CEACAM19: variants seen among roughly 807,000 people sequenced by gnomAD.
CEACAM19 encodes CEA cell adhesion molecule 19.
Under a neutral mutation model 37.6 loss-of-function variants are expected in CEACAM19, and 37 were observed. That is an observed-to-expected ratio of 0.98 (90% CI 0.76 to 1.29). The LOEUF (loss-of-function observed/expected upper bound fraction) is 1.29, where lower values mean the gene tolerates loss of function less well. Ranked by LOEUF, CEACAM19 falls within the 50% of genes most tolerant of loss-of-function variation. The pLI, the probability that CEACAM19 is intolerant of heterozygous loss-of-function variation, is 0.00. For synonymous variants in CEACAM19, 140 were observed against 149.8 expected (o/e 0.93, Z 0.48); for missense variants, 340 against 375.6 (o/e 0.91, Z 0.78).
chr19:44,667,347 T>A (rs1372860004), upstream of CEACAM19: 1 of 150,794 alleles, frequency 6.6e-6, no homozygotes, highest in East Asian at 1.9e-4. Context: ...CCAATAGAAG[T>A]TTCTGAGATG....
chr19:44,672,057 T>G lies in CEACAM19; in HGVS notation c.55+71T>G, dbSNP rs186183001. 59 of 1,286,286 alleles carry G rather than the reference T, an allele frequency of 4.6e-5. No homozygotes were observed. In the East Asian group the frequency reaches 1.4e-3, roughly 30 times the overall value. 79.7% of individuals were successfully genotyped at this position (1,286,286 alleles called of 1,614,324 possible). On this transcript the variant is annotated intron_variant, in intron 1 of 7. Coordinates refer to ENST00000358777, the MANE Select transcript of CEACAM19 (RefSeq NM_001127893.3). Reference sequence around the variant, plus strand: ...TCAGCCCAGAGATTGAAGTTTCCTCTTAGAAGTAGGGAAAGATTACCTGAG... The same window carrying G: ...TCAGCCCAGAGATTGAAGTTTCCTCGTAGAAGTAGGGAAAGATTACCTGAG...
chr19:44,672,920 AC>A lies in CEACAM19; in HGVS notation c.381del (p.Ser128LeufsTer5). On this transcript the variant is annotated frameshift_variant, in exon 2 of 8. Transcript: ENST00000358777. LOFTEE classifies it high-confidence loss of function. Reference sequence around the variant, plus strand: ...ACCTACCAAGTAGCCATTACCATCAACTCTGAATGGACTATGAAGGCCAAGA... The same window carrying A: ...ACCTACCAAGTAGCCATTACCATCAATCTGAATGGACTATGAAGGCCAAGA... The part of the protein sequence containing the change: ...SGTYQVAITI[N>X]SEWTMKAKTE... 1.3e-6 allele frequency: 2 copies of A among 1,534,336 alleles called. No individual in the cohort carries two copies. The highest frequency in any genetic ancestry group is 1.8e-6 in the Non-Finnish European group (2 of 1,136,390).
In CEACAM19 at chr19:44,676,343, C is replaced by G. The variant is rs1216953916; in HGVS notation, c.497C>G (p.Ser166Cys). ...AGILAATIIG[S>C]LAAGALLISC... ...ATCCTGGCGGCCACCATCATTGGAT[C>G]TCTTGCTGCCGGGGCCCTTCTCATC... Residue 166 changes from serine to cysteine, a missense_variant, in exon 3 of 8, where the codon TCT becomes TGT. Physicochemically the swap from Ser to Cys is moderately radical, Grantham distance 112. Coordinates refer to ENST00000358777, the MANE Select transcript of CEACAM19 (RefSeq NM_001127893.3). 2.5e-6 allele frequency: 4 copies of G among 1,614,156 alleles called. No individual in the cohort carries two copies. The highest frequency in any genetic ancestry group is 3.4e-6 in the Non-Finnish European group (4 of 1,180,030).
upstream of CEACAM19, among the ~76,000 whole-genome samples, chr19:44,668,022 A>ATATT (rs1973767691): frequency 1.2e-5 from 1 of 85,940 alleles, no homozygotes; most frequent in Non-Finnish European, 2.0e-5. Flanking sequence ...TTATTTATAT[A>ATATT]GTATATATTA....
chr19:44,672,456 C>A, intron 1 of CEACAM19, 140 bp from the exon 2 acceptor site: 1 of 940,828 alleles, frequency 1.1e-6, no homozygotes, highest in Non-Finnish European at 1.5e-6. Flanking sequence ...GGGCAGACAT[C>A]ACTAATCAAT....
chr19:44,671,556 G>A lies in CEACAM19; in HGVS notation c.-376G>A. 1 of 407,346 alleles carries A rather than the reference G, an allele frequency of 2.5e-6. No individual in the cohort carries two copies. Among genetic ancestry groups the A allele is most frequent in the Non-Finnish European group, 4.3e-6 (1 of 231,058 alleles). The allele number at this position is 407,346 out of a possible 1,614,324, so 25.2% of individuals were successfully genotyped here. A position where few individuals can be genotyped will look rare whatever the true frequency, so the allele number is the denominator to read the frequency against. On this transcript the variant is annotated 5_prime_UTR_variant, in exon 1 of 8. Coordinates refer to ENST00000358777, the MANE Select transcript of CEACAM19 (RefSeq NM_001127893.3). ...TTATTTATGGTGGCTGCTGAATGAGGCAGTGTGTGTTTGAACAAACCCAGG... is the reference window on the plus strand; with the variant it reads ...TTATTTATGGTGGCTGCTGAATGAGACAGTGTGTGTTTGAACAAACCCAGG...
chr19:44,681,427 T>C (rs1599793367), intron 6 of CEACAM19, 115 bp downstream of exon 6: 1 of 624,172 alleles, frequency 1.6e-6, no homozygotes, highest in East Asian at 2.9e-5. Flanking sequence ...CTCAACTCTC[T>C]ATATATTGTT....
chr19:44,668,476 ATATATATAT>A (rs1201003492), upstream of CEACAM19, among the ~76,000 whole-genome samples: 920 of 56,840 alleles, frequency 0.016, 18 homozygotes, highest in African/African-American at 0.021. Flanking sequence ...ATATAATATA[ATATATATAT>A]TATATATATT....
At chr19:44,672,512 G>A in intron 1 of CEACAM19, 84 bp from the exon 2 acceptor site, 8 of 1,339,756 alleles carry the variant, frequency 6.0e-6, no homozygotes, top group South Asian at 4.2e-5. Flanking sequence ...CTTGCTCCCC[G>A]CTGAAGATCT....
rs1348104393 is a variant in CEACAM19 at position 44,684,020 on chromosome 19, C to T, written c.*530C>T. ...CCACACACCAGTCCCAGCAAGGTGA[C>T]CACGGCTGCTGGACCCCTTCCCTGT... is the stretch of plus-strand genomic sequence containing the variant. On this transcript the variant is annotated 3_prime_UTR_variant, in exon 8 of 8. Coordinates refer to ENST00000358777, the MANE Select transcript of CEACAM19 (RefSeq NM_001127893.3). 1 of 152,640 alleles carries T rather than the reference C, an allele frequency of 6.6e-6. No individual in the cohort carries two copies. The allele number at this position is 152,640 out of a possible 1,614,324, so 9.5% of individuals were successfully genotyped here.
In CEACAM19 at chr19:44,672,796, C is replaced by G. The variant is rs142409226; in HGVS notation, c.256C>G (p.Arg86Gly). ...RLFTYIPGIQ[R>G]PQRDGSAMGQ... ...ATTTACCTACATCCCTGGGATACAA[C>G]GGCCTCAGAGGGATGGCAGTGCCAT... The change falls in exon 2 of 8, where the codon CGG (arginine) becomes GGG (glycine). Residue 86 changes from arginine to glycine, a missense_variant. Arg to Gly is a moderately radical substitution (Grantham distance 125). Transcript: ENST00000358777. 6 of 1,589,290 alleles carry G rather than the reference C, an allele frequency of 3.8e-6. No individual in the cohort carries two copies. Among genetic ancestry groups the G allele is most frequent in the Non-Finnish European group, 4.3e-6 (5 of 1,166,820 alleles).
At chr19:44,670,258 G>A (rs1284846379), upstream of CEACAM19, among the ~76,000 whole-genome samples, 1 of 151,834 alleles carries the variant, frequency 6.6e-6, no homozygotes, top group African/African-American at 2.4e-5. Flanking sequence ...AGGAGTTGGA[G>A]GCTGCAGTGA....
intron 5 of CEACAM19, 76 bp downstream of exon 5, chr19:44,680,410 G>A (rs1974035510): frequency 9.7e-6 from 13 of 1,346,106 alleles, no homozygotes; most frequent in Middle Eastern, 2.3e-4. Context: ...CCACAAGCCC[G>A]CTTATTCTCC....
At position 44,683,039 on chromosome 19, in the gene CEACAM19, T is replaced by C. The variant is rs113519189; in HGVS notation, c.847-398T>C. 1,153 of 245,692 alleles carry C rather than the reference T, an allele frequency of 4.7e-3. 13 individuals are homozygous for C. Among genetic ancestry groups the C allele is most frequent in the African/African-American group, 0.026 (1,037 of 40,576 alleles). 15.2% of individuals were successfully genotyped at this position (245,692 alleles called of 1,614,324 possible). Reference sequence around the variant, plus strand: ...TGGCCTACATATGTCTGTATGTCTGTCTTCCCCTTTCTTGGACTCTCTCTC... The same window carrying C: ...TGGCCTACATATGTCTGTATGTCTGCCTTCCCCTTTCTTGGACTCTCTCTC... On this transcript the variant is annotated intron_variant, in intron 7 of 7. Coordinates refer to ENST00000358777, the MANE Select transcript of CEACAM19 (RefSeq NM_001127893.3).
At chr19:44,682,846 C>A in intron 7 of CEACAM19, 1 of 498,612 alleles carries the variant, frequency 2.0e-6, no homozygotes, top group Non-Finnish European at 3.6e-6. Flanking sequence ...CAAAAGGGAT[C>A]CAAAACCTTG....
intron 1 of CEACAM19, 78 bp downstream of exon 1, chr19:44,672,064 T>C (rs1467428599): frequency 8.5e-7 from 1 of 1,178,400 alleles, no homozygotes; most frequent in African/African-American, 1.5e-5. Flanking sequence ...CTCTTAGAAG[T>C]AGGGAAAGAT....
chr19:44,680,664 A>C (rs1292354814), intron 5 of CEACAM19, among the ~76,000 whole-genome samples: 1 of 151,220 alleles, frequency 6.6e-6, no homozygotes, highest in African/African-American at 2.4e-5. Flanking sequence ...CCTCCAACCC[A>C]TCCCAGGACA....
upstream of CEACAM19, chr19:44,667,399 C>G (rs1177705716): frequency 1.3e-5 from 2 of 150,044 alleles, no homozygotes; most frequent in African/African-American, 4.9e-5. Flanking sequence ...AATGGAGTAG[C>G]CACTGATCAC....
chr19:44,673,523 G>A (rs919053907), intron 2 of CEACAM19, among the ~76,000 whole-genome samples: 3 of 152,202 alleles, frequency 2.0e-5, no homozygotes, highest in East Asian at 1.9e-4. Flanking sequence ...GCAGCACCCC[G>A]GCCTCTACTC....
Sources: allele counts gnomAD v4.1 joint callset (sites outside exome capture counted in the v4.1 genomes callset), GRCh38; gene constraint gnomAD v4.1.1; transcripts MANE v1.5; gene names NCBI Gene and HGNC (gene_info 2026-07-23, HGNC 2026-07-21).